The following AEBP2 variants were observed in gnomAD, a reference collection of about 807,000 sequenced individuals.
AEBP2 encodes AE binding protein 2.
In AEBP2, 10 loss-of-function variants were observed where a neutral mutation model predicts 50.8. The observed-to-expected ratio is 0.20, with a 90% CI of 0.12 to 0.33. AEBP2 has a LOEUF of 0.33. AEBP2 is among the 10% of genes least tolerant of loss of function. The probability of loss-of-function intolerance (pLI) is 1.00; values close to 1 mark genes in which losing one functional copy is unlikely to be tolerated. For missense variants in AEBP2, 570 were observed against 688.0 expected, an observed-to-expected ratio of 0.83 and a Z score of 1.92; for synonymous variants, 296 against 261.3, an observed-to-expected ratio of 1.13 and a Z score of -1.28.
In AEBP2 at chr12:19,440,327, T is replaced by C; in HGVS notation, c.628T>C (p.Ser210Pro). The C allele has an allele frequency of 1.4e-6, 2 of 1,465,368 alleles. No homozygotes were observed. The highest frequency in any genetic ancestry group is 1.8e-6 in the Non-Finnish European group (2 of 1,116,524). 90.8% of individuals were successfully genotyped at this position (1,465,368 alleles called of 1,614,324 possible). A position where few individuals can be genotyped will look rare whatever the true frequency, so the allele number is the denominator to read the frequency against. The part of the protein sequence containing the change: ...SGGRRGSLEM[S>P]SDGEPLSRMD... Reference sequence around the variant, plus strand: ...GGGCCGGCGGGGCAGCTTGGAGATGTCGTCGGATGGGGAACCCCTGAGCCG... The same window carrying C: ...GGGCCGGCGGGGCAGCTTGGAGATGCCGTCGGATGGGGAACCCCTGAGCCG... The change falls in exon 1 of 8, where the codon TCG (serine) becomes CCG (proline). Residue 210 changes from serine (S) to proline (P), a missense_variant. This residue lies in a region of AEBP2 where 386 missense variants were observed against 336.8 expected (regional missense o/e 1.15). Transcript: ENST00000266508.
At chr12:19,514,485 A>G (rs1484976150) in intron 6 of AEBP2, among the ~76,000 whole-genome samples, 186 bp from the exon 7 acceptor site, 1 of 152,172 alleles carries the variant, frequency 6.6e-6, no homozygotes, top group East Asian at 1.9e-4. Context: ...TAACACTGCC[A>G]TTTCTTATCT....
At chr12:19,405,195 C>T (rs1365152428) in intron 1 of AEBP2, among the ~76,000 whole-genome samples, 1 of 152,146 alleles carries the variant, frequency 6.6e-6, no homozygotes, top group Admixed American at 6.6e-5. Context: ...TCCCAAAGTG[C>T]TGGGGTTACA....
intron 1 of AEBP2, among the ~76,000 whole-genome samples, chr12:19,462,301 G>A (rs547123952): frequency 6.6e-6 from 1 of 152,104 alleles, no homozygotes; most frequent in African/African-American, 2.4e-5. Flanking sequence ...TTCTGATTTT[G>A]AGGTACTGTC....
At chr12:19,423,465 T>A (rs1205814724) in intron 1 of AEBP2, among the ~76,000 whole-genome samples, 1 of 151,658 alleles carries the variant, frequency 6.6e-6, no homozygotes, top group Non-Finnish European at 1.5e-5. Flanking sequence ...CATGAGCAGA[T>A]GAGATGAGTT....
intron 2 of AEBP2, among the ~76,000 whole-genome samples, chr12:19,469,444 G>A (rs1044957119): frequency 6.6e-6 from 1 of 152,160 alleles, no homozygotes; most frequent in African/African-American, 2.4e-5. Flanking sequence ...GATGAAAAAG[G>A]AAGTAGATGA....
At chr12:19,435,700 T>A (rs2095753867), upstream of AEBP2, among the ~76,000 whole-genome samples, 1 of 152,218 alleles carries the variant, frequency 6.6e-6, no homozygotes. Flanking sequence ...AGAATTCTGT[T>A]CGCTCTTCAA....
intron 1 of AEBP2, chr12:19,413,003 G>A (rs1037217902): frequency 3.2e-5 from 12 of 379,400 alleles, no homozygotes; most frequent in African/African-American, 4.2e-5. Flanking sequence ...GACCTGCCCC[G>A]GCGTTGGGGT....
intron 1 of AEBP2, chr12:19,456,436 C>G (rs780471226): frequency 1.6e-5 from 23 of 1,410,340 alleles, no homozygotes; most frequent in Non-Finnish European, 2.2e-5. Context: ...TCAACGTTGG[C>G]AGCATCACCA....
intron 5 of AEBP2, chr12:19,509,181 A>G (rs1949197373): frequency 7.3e-6 from 3 of 408,412 alleles, no homozygotes; most frequent in South Asian, 4.2e-5. Flanking sequence ...AGGATCAAAC[A>G]TGCTTTCCTT....
chr12:19,518,131 A>G lies in AEBP2; in HGVS notation c.*14A>G. ...TTGAAGAGGTAAAAAATAAATAAAT[A>G]CATAAAAAGCAAACAAGCGGGGACA... On this transcript the variant is annotated 3_prime_UTR_variant, in exon 8 of 8. Transcript: ENST00000266508. 1 of 1,592,970 alleles carries G rather than the reference A, an allele frequency of 6.3e-7. No homozygotes were observed. Among genetic ancestry groups the G allele is most frequent in the Non-Finnish European group, 8.6e-7 (1 of 1,169,326 alleles).
intron 1 of AEBP2, among the ~76,000 whole-genome samples, chr12:19,425,637 A>G (rs186452410): frequency 6.6e-6 from 1 of 151,914 alleles, no homozygotes; most frequent in Non-Finnish European, 1.5e-5. Context: ...GCCGGGTATG[A>G]TGGCACACCC....
intron 4 of AEBP2, among the ~76,000 whole-genome samples, chr12:19,494,668 C>G (rs1406760055): frequency 6.6e-6 from 1 of 151,920 alleles, no homozygotes; most frequent in African/African-American, 2.4e-5. Context: ...GTGTGAGCCA[C>G]CACACCCAGC....
chr12:19,499,949 C>A, intron 4 of AEBP2, 148 bp from the exon 5 acceptor site: 1 of 782,374 alleles, frequency 1.3e-6, no homozygotes, highest in Non-Finnish European at 2.0e-6. Context: ...TATTAGTCTT[C>A]TTATCTAGAG....
Position 19,518,284 on chromosome 12 carries a change from G to A in AEBP2, c.*167G>A. 1.6e-6 allele frequency: 2 copies of A among 1,276,022 alleles called. No homozygotes were observed. The highest frequency in any genetic ancestry group is 2.0e-6 in the Non-Finnish European group (2 of 1,011,636). The allele number at this position is 1,276,022 out of a possible 1,614,324, so 79.0% of individuals were successfully genotyped here. A position where few individuals can be genotyped will look rare whatever the true frequency, so the allele number is the denominator to read the frequency against. On this transcript the variant is annotated 3_prime_UTR_variant, in exon 8 of 8. Coordinates refer to ENST00000266508, the MANE Select transcript of AEBP2 (RefSeq NM_153207.5). ...TATTTATGCTTAGTGTAAACATTCT[G>A]TGAATGAAGTAGACTCTTCGGTGGA...
At chr12:19,501,793 G>GTTTTTTTTTTTTTTTTTTTTTTTTTTTT (rs1204632203) in intron 5 of AEBP2, among the ~76,000 whole-genome samples, 2 of 35,180 alleles carry the variant, frequency 5.7e-5, no homozygotes, top group African/African-American at 1.4e-4. Context: ...ATAAAAATGA[G>GTTTTTTTTTTTTTTTTTTTTTTTTTTTT]TTTGTTTTTT....
chr12:19,468,126 T>TGTG (rs1948511309), intron 2 of AEBP2, among the ~76,000 whole-genome samples: 1 of 143,958 alleles, frequency 6.9e-6, no homozygotes, highest in African/African-American at 2.6e-5. Flanking sequence ...CTGCCTGACT[T>TGTG]TGTGTGTGTG....
At chr12:19,443,329 T>C (rs1947997842) in intron 1 of AEBP2, among the ~76,000 whole-genome samples, 1 of 150,840 alleles carries the variant, frequency 6.6e-6, no homozygotes, top group Non-Finnish European at 1.5e-5. Flanking sequence ...TTCCTTGACC[T>C]CAAATGATCC....
intron 3 of AEBP2, among the ~76,000 whole-genome samples, chr12:19,487,284 AT>A (rs971829618): frequency 2.1e-4 from 32 of 151,260 alleles, no homozygotes; most frequent in African/African-American, 6.8e-4. Context: ...CATTTCAGGT[AT>A]TTTTTTTTAA....
chr12:19,515,210 G>C (rs1178187805), intron 7 of AEBP2, among the ~76,000 whole-genome samples: 7 of 151,976 alleles, frequency 4.6e-5, no homozygotes, highest in Non-Finnish European at 4.4e-5. Flanking sequence ...AATATTATTT[G>C]TTTTTTAAGA....
Sources: allele counts gnomAD v4.1 joint callset (sites outside exome capture counted in the v4.1 genomes callset), GRCh38; gene constraint gnomAD v4.1.1; regional missense constraint gnomAD v4.1.1; transcripts MANE v1.5; gene names NCBI Gene and HGNC (gene_info 2026-07-23, HGNC 2026-07-21).